The following CACFD1 variants were observed in gnomAD, a reference collection of about 807,000 sequenced individuals.
The protein encoded by CACFD1 is calcium channel flower homolog.
Under a neutral mutation model 21.3 loss-of-function variants are expected in CACFD1, and 26 were observed. That is an observed-to-expected ratio of 1.22 (90% CI 0.89 to 1.69). The LOEUF (loss-of-function observed/expected upper bound fraction) is 1.69. CACFD1 is among the 40% of genes most tolerant of loss of function. CACFD1 has a pLI of 0.00. For synonymous variants in CACFD1, 121 were observed against 106.6 expected (o/e 1.13, Z -0.83); for missense variants, 265 against 236.2 (o/e 1.12, Z -0.80).
intron 3 of CACFD1, among the ~76,000 whole-genome samples, chr9:133,466,936 T>G (rs1843459799): frequency 6.6e-6 from 1 of 152,250 alleles, no homozygotes; most frequent in Non-Finnish European, 1.5e-5. Context: ...TCATGATCCT[T>G]GGTTGTATTT....
chr9:133,460,081 T>TGGGGCGCCC lies in CACFD1; in HGVS notation c.22_30dup (p.Pro8_Ala10dup), dbSNP rs1216617790. On this transcript the variant is annotated inframe_insertion, in exon 1 of 5. Transcript: ENST00000316948. ...ACGGTGGCACCATGAGCAGCTCAGG[T>TGGGGCGCCC]GGGGCGCCCGGGGCGTCCGCCAGCT... 9.6e-6 allele frequency: 15 copies of TGGGGCGCCC among 1,563,754 alleles called. No homozygotes were observed. The highest frequency in any genetic ancestry group is 2.7e-5 in the African/African-American group (2 of 72,898).
chr9:133,460,139 T>A lies in CACFD1; in HGVS notation c.73T>A (p.Trp25Arg). 6.4e-7 allele frequency: 1 copy of A among 1,560,836 alleles called. No homozygotes were observed. Among genetic ancestry groups the A allele is most frequent in the Non-Finnish European group, 8.7e-7 (1 of 1,152,404 alleles). Residue 25 changes from tryptophan to arginine, a missense_variant, in exon 1 of 5, where the codon TGG (tryptophan) becomes AGG (arginine). Physicochemically the swap from Trp to Arg is moderately radical, Grantham distance 101. Transcript: ENST00000316948. The stretch of plus-strand genomic sequence containing the variant: ...GCCCGCGCAGGAAGAGGGCATGACG[T>A]GGTGGTACCGCTGGCTGTGTCGCCT... ...APPAQEEGMT[W>R]WYRWLCRLSG...
chr9:133,468,207 A>C, intron 4 of CACFD1, 179 bp downstream of exon 4: 1 of 1,203,344 alleles, frequency 8.3e-7, no homozygotes, highest in South Asian at 1.5e-5. Context: ...AGGACTTACA[A>C]CACTTCTGCG....
At chr9:133,463,728 C>T (rs990406311) in intron 2 of CACFD1, among the ~76,000 whole-genome samples, 173 bp downstream of exon 2, 1 of 152,228 alleles carries the variant, frequency 6.6e-6, no homozygotes, top group Non-Finnish European at 1.5e-5. Flanking sequence ...CCACAGCATG[C>T]GGCTTCTTCC....
intron 1 of CACFD1, among the ~76,000 whole-genome samples, 183 bp downstream of exon 1, chr9:133,460,370 G>A (rs1554798117): frequency 6.9e-6 from 1 of 144,930 alleles, no homozygotes; most frequent in East Asian, 2.0e-4. Context: ...GGGTTGCCAT[G>A]GTTACCCGCT....
At position 133,470,384 on chromosome 9, in the gene CACFD1, T is replaced by C. The variant is rs1266009863; in HGVS notation, c.*1731T>C. Reference sequence around the variant, plus strand: ...GCCTGGCTTGCCTGCTTCTGCCCTTTCCAGAGGGGTCTCACTGACAGCCAG... The same window carrying C: ...GCCTGGCTTGCCTGCTTCTGCCCTTCCCAGAGGGGTCTCACTGACAGCCAG... On this transcript the variant is annotated 3_prime_UTR_variant, in exon 5 of 5. Coordinates refer to ENST00000316948, the MANE Select transcript of CACFD1 (RefSeq NM_017586.5). 1 of 152,484 alleles carries C rather than the reference T, an allele frequency of 6.6e-6. No homozygotes were observed. Among genetic ancestry groups the C allele is most frequent in the Non-Finnish European group, 1.5e-5 (1 of 68,184 alleles). The allele number at this position is 152,484 out of a possible 1,614,324, so 9.4% of individuals were successfully genotyped here.
Position 133,468,853 on chromosome 9 carries a change from C to G in CACFD1, c.*200C>G. ...TGGTGTGAGGGTCTGGGCTGCTGGA[C>G]TTGAGGCAGAGCCTGCAGCAGCTGT... is the stretch of plus-strand genomic sequence containing the variant. On this transcript the variant is annotated 3_prime_UTR_variant, in exon 5 of 5. Transcript: ENST00000316948. The G allele has an allele frequency of 2.3e-5, 20 of 885,154 alleles. No homozygotes were observed. The highest frequency in any genetic ancestry group is 3.3e-5 in the Non-Finnish European group (20 of 606,324). The allele number at this position is 885,154 out of a possible 1,614,324, so 54.8% of individuals were successfully genotyped here. A position where few individuals can be genotyped will look rare whatever the true frequency, so the allele number is the denominator to read the frequency against.
rs781841314 is a variant in CACFD1 at position 133,460,029 on chromosome 9, C to T, written c.-38C>T. 1.5e-5 allele frequency: 23 copies of T among 1,517,426 alleles called. No homozygotes were observed. The highest frequency in any genetic ancestry group is 8.5e-5 in the South Asian group (7 of 82,246). The allele number at this position is 1,517,426 out of a possible 1,614,324, so 94.0% of individuals were successfully genotyped here. On this transcript the variant is annotated 5_prime_UTR_variant, in exon 1 of 5. Coordinates refer to ENST00000316948, the MANE Select transcript of CACFD1 (RefSeq NM_017586.5). The stretch of plus-strand genomic sequence containing the variant: ...CTCGGACGCGGCCGGCTACCGAGCC[C>T]TTTGTGAGGGCTGTGAGCTGCGCCT...
In CACFD1 at chr9:133,469,841, C is replaced by G. The variant is rs1843608608; in HGVS notation, c.*1188C>G. 6.6e-6 allele frequency: 1 copy of G among 152,294 alleles called. No individual in the cohort carries two copies. Among genetic ancestry groups the G allele is most frequent in the Non-Finnish European group, 1.5e-5 (1 of 68,082 alleles). 9.4% of individuals were successfully genotyped at this position (152,294 alleles called of 1,614,324 possible). ...TATTCCATCTGGGGCCAACCCCAGG[C>G]TGGGCCTGCGCTGAGCTTCTGGAGC... On this transcript the variant is annotated 3_prime_UTR_variant, in exon 5 of 5. Coordinates refer to ENST00000316948, the MANE Select transcript of CACFD1 (RefSeq NM_017586.5).
chr9:133,464,267 AT>A (rs1415528132), intron 2 of CACFD1, among the ~76,000 whole-genome samples: 5 of 152,126 alleles, frequency 3.3e-5, no homozygotes, highest in African/African-American at 1.2e-4. Context: ...CCAGTGACCT[AT>A]GGCCAGTGGA....
At chr9:133,463,313 C>T (rs940090658) in intron 1 of CACFD1, 170 bp from the exon 2 acceptor site, 7 of 826,702 alleles carry the variant, frequency 8.5e-6, no homozygotes, top group Non-Finnish European at 1.0e-5. Flanking sequence ...CACCTCTCTG[C>T]GTCTCCTCAC....
rs1843623021 is a variant in CACFD1, at chr9:133,470,095, C to T, written c.*1442C>T. The T allele has an allele frequency of 6.5e-6, 1 of 152,796 alleles. No individual in the cohort carries two copies. Among genetic ancestry groups the T allele is most frequent in the African/African-American group, 2.4e-5 (1 of 41,436 alleles). The allele number at this position is 152,796 out of a possible 1,614,324, so 9.5% of individuals were successfully genotyped here. On this transcript the variant is annotated 3_prime_UTR_variant, in exon 5 of 5. Transcript: ENST00000316948. Reference sequence around the variant, plus strand: ...ACCCCTGGGAGTCTGGCCAGCTGAGCCCCAGGGTGGCAGGGGCATTATAGC... The same window carrying T: ...ACCCCTGGGAGTCTGGCCAGCTGAGTCCCAGGGTGGCAGGGGCATTATAGC...
chr9:133,469,365 G>C lies in CACFD1; in HGVS notation c.*712G>C, dbSNP rs1554800417. 3 of 152,376 alleles carry C rather than the reference G, an allele frequency of 2.0e-5. No individual in the cohort carries two copies. Among genetic ancestry groups the C allele is most frequent in the Non-Finnish European group, 4.4e-5 (3 of 68,196 alleles). 9.4% of individuals were successfully genotyped at this position (152,376 alleles called of 1,614,324 possible). On this transcript the variant is annotated 3_prime_UTR_variant, in exon 5 of 5. Coordinates refer to ENST00000316948, the MANE Select transcript of CACFD1 (RefSeq NM_017586.5). ...ATCACCCCCCGCCCCTGCTGGCCTT[G>C]GTGCTAAGGAAGTGGGGAGAGCAGG... is the stretch of plus-strand genomic sequence containing the variant.
rs781886424 is a variant in CACFD1, at chr9:133,460,023, C to G, written c.-44C>G. ...CGCCGGCTCGGACGCGGCCGGCTAC[C>G]GAGCCCTTTGTGAGGGCTGTGAGCT... On this transcript the variant is annotated 5_prime_UTR_variant, in exon 1 of 5. Transcript: ENST00000316948. 6.7e-7 allele frequency: 1 copy of G among 1,503,274 alleles called. No homozygotes were observed. The highest frequency in any genetic ancestry group is 1.4e-5 in the African/African-American group (1 of 69,272). The allele number at this position is 1,503,274 out of a possible 1,614,324, so 93.1% of individuals were successfully genotyped here.
intron 1 of CACFD1, chr9:133,461,767 A>C: frequency 1.5e-6 from 1 of 657,462 alleles, no homozygotes; most frequent in Non-Finnish European, 1.9e-6. Context: ...TTGCATCTGC[A>C]GATTTTTGGG....
rs1306278396 is a variant in CACFD1, at chr9:133,465,267, C to T, written c.195-55C>T. On this transcript the variant is annotated intron_variant, in intron 2 of 4. Coordinates refer to ENST00000316948, the MANE Select transcript of CACFD1 (RefSeq NM_017586.5). This position sits in a 1 kb window ranked among gnomAD's most constrained non-coding sequence, Gnocchi z 5.0. ...TTATGGCACTGGCACTGGGGGCCGCCCTCATCCTCCTGGGATTGTCAGTCG... is the reference window on the plus strand; with the variant it reads ...TTATGGCACTGGCACTGGGGGCCGCTCTCATCCTCCTGGGATTGTCAGTCG... The T allele has an allele frequency of 1.4e-5, 22 of 1,607,556 alleles. No individual in the cohort carries two copies. The highest frequency in any genetic ancestry group is 1.9e-5 in the Non-Finnish European group (22 of 1,176,880).
intron 1 of CACFD1, 32 bp downstream of exon 1, chr9:133,460,219 C>G (rs1554798033): frequency 6.6e-7 from 1 of 1,504,342 alleles, no homozygotes. Flanking sequence ...GGGGCCGGCC[C>G]CGCCGCGCAT....
At chr9:133,463,744 A>G (rs1486459267) in intron 2 of CACFD1, among the ~76,000 whole-genome samples, 189 bp downstream of exon 2, 7 of 152,072 alleles carry the variant, frequency 4.6e-5, no homozygotes, top group African/African-American at 1.4e-4. Context: ...CTTCCCCTTC[A>G]TACCCCCACC....
rs201796929 is a variant in CACFD1 at position 133,463,489 on chromosome 9, C to G, written c.128C>G (p.Ala43Gly). ...CCGTGTCTCTTGTTTCAAGCTTGCG[C>G]GATCTCTGGCCTCTTCAACTGCATC... ...LSGVLGAVSC[A>G]ISGLFNCITI... is the part of the protein sequence containing the mutation. Residue 43 changes from alanine (A) to glycine (G), a missense_variant, in exon 2 of 5, where the codon GCG (alanine) becomes GGG (glycine). Transcript: ENST00000316948. 2 of 1,613,946 alleles carry G rather than the reference C, an allele frequency of 1.2e-6. No individual in the cohort carries two copies. Among genetic ancestry groups the G allele is most frequent in the African/African-American group, 2.7e-5 (2 of 74,954 alleles).
Sources: allele counts gnomAD v4.1 joint callset (sites outside exome capture counted in the v4.1 genomes callset), GRCh38; gene constraint gnomAD v4.1.1; non-coding constraint Gnocchi (gnomAD v3.1); transcripts MANE v1.5; gene names NCBI Gene and HGNC (gene_info 2026-07-23, HGNC 2026-07-21).